Variants in MAP4K4 observed in about 807,000 individuals in gnomAD.
MAP4K4 encodes HPK/GCK-like kinase HGK.
Under a neutral mutation model 189.6 loss-of-function variants are expected in MAP4K4, and 38 were observed. That is an observed-to-expected ratio of 0.20 (90% CI 0.15 to 0.26). The LOEUF (loss-of-function observed/expected upper bound fraction) is 0.26. Among genes scored for constraint, MAP4K4 ranks in the 10% least tolerant of loss-of-function variants. The pLI is 1.00. For synonymous variants in MAP4K4, 610 were observed against 624.3 expected (o/e 0.98, Z 0.34); for missense variants, 1,054 against 1,726.9 (o/e 0.61, Z 6.91).
Position 101,739,825 on chromosome 2 carries a change from C to A in MAP4K4, c.123+41287C>A, listed in dbSNP as rs139094756. On this transcript the variant is annotated intron_variant, in intron 2 of 32. Coordinates refer to ENST00000324219, the Ensembl canonical transcript of MAP4K4. ...GCTATAGAGGTATTAAGAGAACCAACCTTGGGACCATCAGAATGGCTTCTG... is the reference window on the plus strand; with the variant it reads ...GCTATAGAGGTATTAAGAGAACCAAACTTGGGACCATCAGAATGGCTTCTG... 8.5e-5 allele frequency among the ~76,000 whole-genome samples: 13 copies of A among 152,276 alleles called. No individual in the cohort carries two copies. The East Asian group carries it at 2.1e-3, about 25-fold the overall frequency.
intron 3 of MAP4K4, among the ~76,000 whole-genome samples, chr2:101,805,198 T>C (rs992822427): frequency 6.6e-6 from 1 of 152,012 alleles, no homozygotes; most frequent in African/African-American, 2.4e-5. Flanking sequence ...AACTCTTCAA[T>C]GGACCAGCAC....
chr2:101,842,234 C>T (rs1228591350), intron 10 of MAP4K4, among the ~76,000 whole-genome samples: 1 of 152,182 alleles, frequency 6.6e-6, no homozygotes, highest in South Asian at 2.1e-4. Flanking sequence ...TCAGCAGTTA[C>T]ATATCTTTTT....
chr2:101,870,704 C>T (rs1478013753), intron 23 of MAP4K4: 1 of 298,074 alleles, frequency 3.4e-6, no homozygotes, highest in Non-Finnish European at 6.4e-6. Flanking sequence ...GGAGAGAAGC[C>T]ACAGGGAGTC....
chr2:101,808,798 T>TTGTG (rs147383853), intron 3 of MAP4K4, among the ~76,000 whole-genome samples: 85 of 150,998 alleles, frequency 5.6e-4, no homozygotes, highest in African/African-American at 1.3e-3. Flanking sequence ...TTTAGTTTCA[T>TTGTG]TGTGTGTGTG....
chr2:101,829,560 T>C (rs1288034659), exon 6 of MAP4K4: 2 of 1,611,988 alleles, frequency 1.2e-6, no homozygotes, highest in Admixed American at 1.7e-5. Flanking sequence ...AGGGCCAGAA[T>C]GTGTTGCTGA....
chr2:101,877,186 CT>C, intron 27 of MAP4K4, 40 bp downstream of exon 27: 3 of 1,606,108 alleles, frequency 1.9e-6, no homozygotes, highest in Non-Finnish European at 2.6e-6. Flanking sequence ...GTGACACCAT[CT>C]TAACAATATT....
intron 2 of MAP4K4, among the ~76,000 whole-genome samples, chr2:101,775,939 A>G (rs921861621): frequency 1.3e-5 from 2 of 152,220 alleles, no homozygotes; most frequent in South Asian, 4.1e-4. Flanking sequence ...CCATGCTGTC[A>G]GGGCCAAACC....
At chr2:101,868,145 G>A in intron 21 of MAP4K4, 108 bp downstream of exon 21, 4 of 1,236,316 alleles carry the variant, frequency 3.2e-6, no homozygotes, top group Admixed American at 2.1e-5. Flanking sequence ...TTGACTTCTT[G>A]TTCTTTTCTA....
At chr2:101,724,286 G>C (rs186685702) in intron 2 of MAP4K4, among the ~76,000 whole-genome samples, 1 of 152,174 alleles carries the variant, frequency 6.6e-6, no homozygotes, top group Non-Finnish European at 1.5e-5. Flanking sequence ...TGTGAGGTTA[G>C]TGAGTGGCAG....
At position 101,726,234 on chromosome 2, in the gene MAP4K4, A is replaced by G. The variant is rs186788633; in HGVS notation, c.123+27696A>G. On this transcript the variant is annotated intron_variant, in intron 2 of 32. Coordinates refer to ENST00000324219, the Ensembl canonical transcript of MAP4K4. ...TATTCACTTTGAGAGTTCAGAATTA[A>G]AAAGGGTCTTTGCACTTATTTCTAG... Among the ~76,000 whole-genome samples, 60 of 152,346 alleles carry G rather than the reference A, an allele frequency of 3.9e-4. 1 individual carries two copies. The highest frequency in any genetic ancestry group is 8.8e-5 in the Non-Finnish European group (6 of 68,032).
intron 27 of MAP4K4, among the ~76,000 whole-genome samples, chr2:101,879,347 G>A (rs1164428109): frequency 1.3e-5 from 2 of 149,784 alleles, no homozygotes; most frequent in Non-Finnish European, 3.0e-5. Context: ...TCAATTGTAG[G>A]AAGCTTCAAA....
intron 2 of MAP4K4, among the ~76,000 whole-genome samples, chr2:101,789,997 A>C (rs1359226633): frequency 6.6e-6 from 1 of 152,090 alleles, no homozygotes; most frequent in Non-Finnish European, 1.5e-5. Context: ...TTATACACTT[A>C]AAAAAAATCC....
chr2:101,804,803 C>T (rs773030603), intron 3 of MAP4K4, among the ~76,000 whole-genome samples: 5 of 151,892 alleles, frequency 3.3e-5, no homozygotes, highest in East Asian at 1.9e-4. Context: ...TATTTTGGGC[C>T]GGGTGCGGTG....
rs2148807811 is a variant in MAP4K4 at position 101,790,888 on chromosome 2, C to T, written c.180+112C>T. 4.3e-6 allele frequency: 4 copies of T among 921,754 alleles called. No homozygotes were observed. The East Asian group carries it at 1.1e-4, about 25-fold the overall frequency. The allele number at this position is 921,754 out of a possible 1,614,324, so 57.1% of individuals were successfully genotyped here. A position where few individuals can be genotyped will look rare whatever the true frequency, so the allele number is the denominator to read the frequency against. ...AAATCTGATTACTTGAACAAATTGC[C>T]CTCCTGTGACATTGTGGGTTCATAG... On this transcript the variant is annotated intron_variant, in intron 3 of 32. Transcript: ENST00000324219.
chr2:101,773,930 G>A (rs139518243), intron 2 of MAP4K4, among the ~76,000 whole-genome samples: 5 of 152,284 alleles, frequency 3.3e-5, no homozygotes, highest in African/African-American at 1.2e-4. Flanking sequence ...ACTCCATTGT[G>A]TATAAGTACA....
At chr2:101,856,555 G>A (rs1252786360) in intron 13 of MAP4K4, among the ~76,000 whole-genome samples, 2 of 151,944 alleles carry the variant, frequency 1.3e-5, no homozygotes, top group East Asian at 3.9e-4. Context: ...ATATCCAGTG[G>A]CTAAGTGAAT....
intron 2 of MAP4K4, among the ~76,000 whole-genome samples, chr2:101,725,078 G>C (rs1445628896): frequency 6.6e-6 from 1 of 152,180 alleles, no homozygotes; most frequent in African/African-American, 2.4e-5. Flanking sequence ...TCTGTGATGT[G>C]ATGTTTCTCA....
At chr2:101,698,906 C>A (rs72829208) in intron 2 of MAP4K4, among the ~76,000 whole-genome samples, 4 of 152,258 alleles carry the variant, frequency 2.6e-5, no homozygotes, top group Non-Finnish European at 5.9e-5. Flanking sequence ...CGGGCCTTGC[C>A]TCTGACGATC....
intron 2 of MAP4K4, among the ~76,000 whole-genome samples, chr2:101,777,502 G>A (rs1035677809): frequency 3.3e-5 from 5 of 152,188 alleles, no homozygotes; most frequent in Non-Finnish European, 7.3e-5. Context: ...GTCCCGCAGG[G>A]CGAGTGGCAA....
Sources: gnomAD v4.1 joint callset for allele counts (sites outside exome capture counted in the v4.1 genomes callset) on GRCh38, gnomAD v4.1.1 for gene constraint, MANE v1.5 for transcripts, NCBI Gene and HGNC (gene_info 2026-07-23, HGNC 2026-07-21) for gene names.